The following MCUB variants were observed in gnomAD, a reference collection of about 807,000 sequenced individuals.
MCUB encodes the protein mitochondrial calcium uniporter dominant negative subunit beta.
A neutral mutation model predicts 41.4 loss-of-function variants in MCUB; 46 were observed. The observed-to-expected ratio is 1.11, with a 90% CI of 0.88 to 1.42. MCUB has a LOEUF of 1.42. Among genes scored for constraint, MCUB ranks in the 40% most tolerant of loss-of-function variants. The pLI is 0.00. For synonymous variants in MCUB, 148 were observed against 148.2 expected (o/e 1.00, Z 0.01); for missense variants, 403 against 404.9 (o/e 1.00, Z 0.04).
At chr4:109,614,807 C>A (rs560823192) in intron 1 of MCUB, among the ~76,000 whole-genome samples, 1 of 152,132 alleles carries the variant, frequency 6.6e-6, no homozygotes, top group Admixed American at 6.6e-5. Context: ...GACTGCCTAA[C>A]CAGTTTCCAC....
In MCUB at chr4:109,612,882, G is replaced by A. The variant is rs565932617; in HGVS notation, c.100-46129G>A. Among the ~76,000 whole-genome samples the A allele has an allele frequency of 3.6e-3, 542 of 152,204 alleles. 4 individuals are homozygous for A. Among genetic ancestry groups the A allele is most frequent in the African/African-American group, 0.012 (491 of 41,556 alleles). On this transcript the variant is annotated intron_variant, in intron 1 of 7. Transcript: ENST00000394650. The stretch of plus-strand genomic sequence containing the variant: ...AGCACTTTGGGAGGCCAAGGCGGGC[G>A]GATCACAAGGTCAGGAGATCAAGAC...
chr4:109,622,612 T>C (rs1014464007), intron 1 of MCUB, among the ~76,000 whole-genome samples: 8 of 152,244 alleles, frequency 5.3e-5, no homozygotes, highest in Non-Finnish European at 1.5e-5. Context: ...AAACCAATAA[T>C]GTAGATTGTA....
intron 4 of MCUB, among the ~76,000 whole-genome samples, chr4:109,670,355 G>A (rs1729428301): frequency 6.6e-6 from 1 of 152,134 alleles, no homozygotes; most frequent in African/African-American, 2.4e-5. Context: ...GGTTAACTAA[G>A]CTCTAATGAA....
Position 109,667,330 on chromosome 4 carries a change from GAATT to G in MCUB, c.451+2940_451+2943del, listed in dbSNP as rs1415636821. On this transcript the variant is annotated intron_variant, in intron 4 of 7. Transcript: ENST00000394650. ...GTTTTGATAGATTGTACCTTTTAGA[GAATT>G]AATCTATTTTGTCTAGGTTATTGAA... 5.3e-5 allele frequency among the ~76,000 whole-genome samples: 8 copies of G among 151,960 alleles called. No homozygotes were observed. The East Asian group carries it at 1.3e-3, about 26-fold the overall frequency.
intron 4 of MCUB, among the ~76,000 whole-genome samples, chr4:109,666,005 CAAAGAGAAGA>C: frequency 6.6e-6 from 1 of 151,428 alleles, no homozygotes; most frequent in Non-Finnish European, 1.5e-5. Context: ...GAAGAGAGAG[CAAAGAGAAGA>C]AAAGGGAGTG....
intron 1 of MCUB, among the ~76,000 whole-genome samples, chr4:109,651,416 T>A (rs1448792288): frequency 6.6e-6 from 1 of 152,188 alleles, no homozygotes; most frequent in Non-Finnish European, 1.5e-5. Flanking sequence ...GGAGGCTTGC[T>A]TCCTCTTAGG....
chr4:109,566,263 A>G (rs1049219622), intron 1 of MCUB, among the ~76,000 whole-genome samples: 1 of 151,572 alleles, frequency 6.6e-6, no homozygotes, highest in Non-Finnish European at 1.5e-5. Context: ...AGGTGAGGAG[A>G]TCGAGACTAT....
intron 1 of MCUB, among the ~76,000 whole-genome samples, chr4:109,600,246 C>A (rs887865584): frequency 2.0e-5 from 3 of 152,114 alleles, no homozygotes. Flanking sequence ...TCTGCCACTA[C>A]CTGTGCTTCT....
Position 109,560,264 on chromosome 4 carries a change from G to A in MCUB, c.-74G>A, listed in dbSNP as rs1726586482. The A allele has an allele frequency of 1.4e-5, 10 of 728,644 alleles. No homozygotes were observed. Among genetic ancestry groups the A allele is most frequent in the Non-Finnish European group, 1.5e-5 (8 of 529,388 alleles). The allele number at this position is 728,644 out of a possible 1,614,324, so 45.1% of individuals were successfully genotyped here. A position where few individuals can be genotyped will look rare whatever the true frequency, so the allele number is the denominator to read the frequency against. On this transcript the variant is annotated 5_prime_UTR_variant, in exon 1 of 8. Transcript: ENST00000394650. ...AGCGCCCACAGCTCGGAGCCACCAG[G>A]CGCTGACGAGGAGCCCGGCTGAGGG...
intron 5 of MCUB, 82 bp from the exon 6 acceptor site, chr4:109,684,361 A>C: frequency 8.4e-7 from 1 of 1,185,874 alleles, no homozygotes; most frequent in East Asian, 2.5e-5. Flanking sequence ...CGCGCCCGGC[A>C]AGAGTTCCTT....
At chr4:109,666,133 G>A (rs371845107) in intron 4 of MCUB, among the ~76,000 whole-genome samples, 1 of 152,126 alleles carries the variant, frequency 6.6e-6, no homozygotes, top group African/African-American at 2.4e-5. Flanking sequence ...TTCAGAGCTT[G>A]TTAGCTCATT....
intron 4 of MCUB, among the ~76,000 whole-genome samples, chr4:109,670,662 G>A (rs1394505252): frequency 2.0e-5 from 3 of 151,652 alleles, no homozygotes; most frequent in African/African-American, 7.3e-5. Context: ...GCTGCAGTGA[G>A]CCAAGATCAT....
At chr4:109,684,958 G>A (rs946905864) in intron 6 of MCUB, 18 of 385,938 alleles carry the variant, frequency 4.7e-5, no homozygotes, top group African/African-American at 3.7e-4. Flanking sequence ...CATCAGCTTT[G>A]CCTCATGGTT....
intron 1 of MCUB, among the ~76,000 whole-genome samples, chr4:109,652,798 T>C (rs1234539268): frequency 3.3e-5 from 5 of 152,160 alleles, no homozygotes; most frequent in Non-Finnish European, 5.9e-5. Context: ...CTGAGCATAA[T>C]ATTCTAGGTT....
chr4:109,666,676 A>G (rs1201919118), intron 4 of MCUB, among the ~76,000 whole-genome samples: 2 of 152,104 alleles, frequency 1.3e-5, no homozygotes, highest in African/African-American at 2.4e-5. Context: ...GTTTGGGATA[A>G]CGGTCTTGTA....
chr4:109,674,656 C>T (rs1024484399), intron 4 of MCUB, among the ~76,000 whole-genome samples: 5 of 152,152 alleles, frequency 3.3e-5, no homozygotes, highest in African/African-American at 1.2e-4. Flanking sequence ...AAAGCTTAAA[C>T]AATAGAGCTG....
At chr4:109,628,506 A>C (rs1394208337) in intron 1 of MCUB, among the ~76,000 whole-genome samples, 1 of 152,224 alleles carries the variant, frequency 6.6e-6, no homozygotes, top group Non-Finnish European at 1.5e-5. Context: ...GTTAGGAGGC[A>C]AAGTAGTCAG....
Position 109,560,747 on chromosome 4 carries a change from C to T in MCUB, c.99+311C>T, listed in dbSNP as rs1202903578. Among the ~76,000 whole-genome samples the T allele has an allele frequency of 2.0e-5, 3 of 152,144 alleles. No homozygotes were observed. The East Asian group carries it at 5.8e-4, about 29-fold the overall frequency. On this transcript the variant is annotated intron_variant, in intron 1 of 7. Coordinates refer to ENST00000394650, the MANE Select transcript of MCUB (RefSeq NM_017918.5). The stretch of plus-strand genomic sequence containing the variant: ...CTTCGGCCTGGGAGCAGCAGAATAA[C>T]CTGGGAGGCAGTTTCTGGGCTGCAG...
chr4:109,632,761 C>T (rs961418383), intron 1 of MCUB, among the ~76,000 whole-genome samples: 1 of 151,924 alleles, frequency 6.6e-6, no homozygotes, highest in African/African-American at 2.4e-5. Flanking sequence ...ACTATAGATG[C>T]ACACCACCAT....
Sources: gnomAD v4.1 joint callset for allele counts (sites outside exome capture counted in the v4.1 genomes callset) on GRCh38, gnomAD v4.1.1 for gene constraint, MANE v1.5 for transcripts, NCBI Gene and HGNC (gene_info 2026-07-23, HGNC 2026-07-21) for gene names.